Variants in POT1 observed in about 807,000 individuals in gnomAD.
POT1 encodes the protein protection of telomeres protein 1.
POT1 carries 47 observed loss-of-function variants against 78.5 expected under a neutral mutation model. The observed-to-expected ratio is 0.60, with a 90% CI of 0.47 to 0.76. The LOEUF (loss-of-function observed/expected upper bound fraction) is 0.76. POT1 is among the 30% of genes least tolerant of loss of function. The probability of loss-of-function intolerance (pLI) is 0.00; values close to 1 mark genes in which losing one functional copy is unlikely to be tolerated. For synonymous variants in POT1, 259 were observed against 260.7 expected, an observed-to-expected ratio of 0.99 and a Z score of 0.06; for missense variants, 646 against 749.9, an observed-to-expected ratio of 0.86 and a Z score of 1.62.
chr7:124,894,277 G>A (rs894855449), intron 5 of POT1, among the ~76,000 whole-genome samples: 6 of 151,358 alleles, frequency 4.0e-5, no homozygotes, highest in African/African-American at 1.5e-4. Flanking sequence ...AAAAAAGAAT[G>A]ATGGAATAAT....
At chr7:124,853,683 T>C (rs762940628) in intron 9 of POT1, among the ~76,000 whole-genome samples, 18 of 151,788 alleles carry the variant, frequency 1.2e-4, no homozygotes, top group Admixed American at 2.6e-4. Flanking sequence ...TCTGCATTTG[T>C]GCCTGTACCA....
chr7:124,912,846 A>G (rs986423503), intron 3 of POT1, among the ~76,000 whole-genome samples: 1 of 152,208 alleles, frequency 6.6e-6, no homozygotes, highest in African/African-American at 2.4e-5. Flanking sequence ...AGAGGGCCAC[A>G]GCCTCAAAAG....
rs2116525658 is a variant in POT1, at chr7:124,859,011, C to T, written c.648G>A (p.Leu216=). 1 of 1,611,078 alleles carries T rather than the reference C, an allele frequency of 6.2e-7. No homozygotes were observed. Among genetic ancestry groups the T allele is most frequent in the Non-Finnish European group, 8.5e-7 (1 of 1,177,944 alleles). The change falls in exon 9 of 19, where the codon CTG becomes CTA. Residue 216 remains leucine, a synonymous_variant. Transcript: ENST00000357628. Reference sequence around the variant, plus strand: ...TATCGTAGACTAAAATGTCTATTGTCAGATTTTGTAGCCGATGGATGTGAC... The same window carrying T: ...TATCGTAGACTAAAATGTCTATTGTTAGATTTTGTAGCCGATGGATGTGAC... ...DLSHIHRLQN[L]TIDILVYDNH...
intron 14 of POT1, among the ~76,000 whole-genome samples, chr7:124,839,732 T>C (rs1275192998): frequency 6.6e-6 from 1 of 152,186 alleles, no homozygotes; most frequent in African/African-American, 2.4e-5. Flanking sequence ...ACTGCAAAAT[T>C]AAGCAAAAGG....
chr7:124,882,035 G>A (rs978680088), intron 6 of POT1, among the ~76,000 whole-genome samples: 10 of 151,884 alleles, frequency 6.6e-5, no homozygotes, highest in Non-Finnish European at 1.5e-5. Context: ...GATAAATTAA[G>A]TTTTCTATTT....
At chr7:124,863,228 A>T in intron 8 of POT1, 122 bp downstream of exon 8, 1 of 965,422 alleles carries the variant, frequency 1.0e-6, no homozygotes, top group Non-Finnish European at 1.5e-6. Context: ...AAAAATAGTT[A>T]AAATTTAAGT....
In POT1 at chr7:124,842,968, A is replaced by G. The variant is rs1584758541; in HGVS notation, c.1007-5T>C. 1.3e-6 allele frequency: 2 copies of G among 1,540,934 alleles called. No individual in the cohort carries two copies. Among genetic ancestry groups the G allele is most frequent in the Admixed American group, 2.3e-5 (1 of 44,294 alleles). On this transcript the variant is annotated splice_region_variant and splice_polypyrimidine_tract_variant and intron_variant, in intron 12 of 18. Coordinates refer to ENST00000357628, the MANE Select transcript of POT1 (RefSeq NM_015450.3). The stretch of plus-strand genomic sequence containing the variant: ...AATACTGATGATCTGTAAGTACTGT[A>G]AAGAATTTTTATATTCAATCAGAAT...
intron 3 of POT1, among the ~76,000 whole-genome samples, chr7:124,901,684 T>G (rs1323921417): frequency 1.3e-5 from 2 of 152,174 alleles, no homozygotes; most frequent in South Asian, 4.1e-4. Flanking sequence ...ATAACTTTGA[T>G]GAGTTGGCAG....
intron 11 of POT1, among the ~76,000 whole-genome samples, chr7:124,847,255 AG>A (rs35955149): frequency 9.2e-5 from 14 of 151,620 alleles, no homozygotes; most frequent in Non-Finnish European, 1.8e-4. Context: ...AACACTTCGG[AG>A]GACTGAGGTG....
At chr7:124,908,583 A>G (rs80121914) in intron 3 of POT1, among the ~76,000 whole-genome samples, 3,092 of 151,126 alleles carry the variant, frequency 0.02, 96 homozygotes, top group African/African-American at 0.069. Flanking sequence ...TCATTTTTCC[A>G]TTACTCTTCT....
intron 4 of POT1, among the ~76,000 whole-genome samples, chr7:124,897,799 A>G (rs1796528291): frequency 6.6e-6 from 1 of 151,958 alleles, no homozygotes; most frequent in South Asian, 2.1e-4. Flanking sequence ...AATTCTACCT[A>G]ATAGCCTTGA....
At chr7:124,835,506 A>G in intron 14 of POT1, 92 bp from the exon 15 acceptor site, 1 of 1,354,968 alleles carries the variant, frequency 7.4e-7, no homozygotes, top group Non-Finnish European at 1.0e-6. Context: ...ATAATAAAAG[A>G]CTAAAGGAAT....
At chr7:124,927,243 T>C (rs1797296778) in intron 2 of POT1, among the ~76,000 whole-genome samples, 1 of 152,222 alleles carries the variant, frequency 6.6e-6, no homozygotes, top group Non-Finnish European at 1.5e-5. Flanking sequence ...AAGTGATCAA[T>C]AATTTCTTGG....
rs139388603 is a variant in POT1 at position 124,829,280 on chromosome 7, G to C, written c.1568C>G (p.Ser523Trp). The C allele has an allele frequency of 3.1e-6, 5 of 1,604,782 alleles. No individual in the cohort carries two copies. The highest frequency in any genetic ancestry group is 4.3e-6 in the Non-Finnish European group (5 of 1,171,916). ...TTCTGCCACAGAAGAAGGAATCCAC[G>C]ATGTTTTATCAACCAGGGAATTTAG... ...QNLNSLVDKT[S>W]WIPSSVAEAL... Residue 523 changes from serine (S) to tryptophan (W), a missense_variant, in exon 16 of 19, where the codon TCG (serine) becomes TGG (tryptophan). Physicochemically the swap from Ser to Trp is radical, Grantham distance 177. Transcript: ENST00000357628.
intron 6 of POT1, among the ~76,000 whole-genome samples, chr7:124,886,273 A>C (rs1796241197): frequency 6.6e-6 from 1 of 152,150 alleles, no homozygotes; most frequent in South Asian, 2.1e-4. Context: ...GTAATTTTCC[A>C]CCACATAACT....
At chr7:124,857,143 C>T (rs766583036) in intron 9 of POT1, among the ~76,000 whole-genome samples, 2 of 152,168 alleles carry the variant, frequency 1.3e-5, no homozygotes, top group Non-Finnish European at 2.9e-5. Flanking sequence ...ATTTGCTACT[C>T]CATGGCCACT....
chr7:124,899,882 G>A (rs1248354111), intron 3 of POT1, among the ~76,000 whole-genome samples: 1 of 151,972 alleles, frequency 6.6e-6, no homozygotes, highest in Admixed American at 6.6e-5. Flanking sequence ...TTTTTTAAAA[G>A]ACTGAGTATG....
At chr7:124,879,450 A>AAATAAT (rs1254051894) in intron 6 of POT1, among the ~76,000 whole-genome samples, 1 of 152,292 alleles carries the variant, frequency 6.6e-6, no homozygotes, top group African/African-American at 2.4e-5. Flanking sequence ...AATGAGGGAA[A>AAATAAT]AATAATAATA....
At chr7:124,875,243 TC>T (rs1163495129) in intron 6 of POT1, among the ~76,000 whole-genome samples, 11 of 152,316 alleles carry the variant, frequency 7.2e-5, no homozygotes, top group African/African-American at 2.2e-4. Context: ...CATTATGGGA[TC>T]TTTTTTCCTA....
Sources: gnomAD v4.1 joint callset for allele counts (sites outside exome capture counted in the v4.1 genomes callset) on GRCh38, gnomAD v4.1.1 for gene constraint, MANE v1.5 for transcripts, NCBI Gene and HGNC (gene_info 2026-07-23, HGNC 2026-07-21) for gene names.